The following MAIP1 variants were observed in gnomAD, a reference collection of about 807,000 sequenced individuals.
The protein encoded by MAIP1 is m-AAA protease-interacting protein 1, mitochondrial.
A neutral mutation model predicts 31.2 loss-of-function variants in MAIP1; 28 were observed. The ratio of observed to expected loss-of-function variants is 0.90; its 90% CI spans 0.67 to 1.23. The LOEUF (loss-of-function observed/expected upper bound fraction) is 1.23, where lower values mean the gene tolerates loss of function less well. Among genes scored for constraint, MAIP1 ranks in the 50% most tolerant of loss-of-function variants. The pLI, the probability that MAIP1 is intolerant of heterozygous loss-of-function variation, is 0.00. For synonymous variants in MAIP1, 142 were observed against 142.3 expected (o/e 1.00, Z 0.02); for missense variants, 339 against 356.0 (o/e 0.95, Z 0.38).
In MAIP1 at chr2:199,956,265, G is replaced by C. The variant is rs1166488953; in HGVS notation, c.450+17G>C. ...GCGAAGCAGGTTTGTTTATTTCCCT[G>C]ATTGACCTATCCGTCTCTAATGAGT... On this transcript the variant is annotated intron_variant, in intron 1 of 4. Transcript: ENST00000392290. 3 of 1,584,570 alleles carry C rather than the reference G, an allele frequency of 1.9e-6. No individual in the cohort carries two copies. Among genetic ancestry groups the C allele is most frequent in the Non-Finnish European group, 2.6e-6 (3 of 1,159,590 alleles).
upstream of MAIP1, chr2:199,955,490 C>T (rs368330803): frequency 1.9e-6 from 3 of 1,611,574 alleles, no homozygotes; most frequent in Non-Finnish European, 2.5e-6. Flanking sequence ...CGCCTGCCCT[C>T]TTCCAGGTCT....
At chr2:199,957,389 C>G (rs1388766466) in intron 1 of MAIP1, among the ~76,000 whole-genome samples, 1 of 152,124 alleles carries the variant, frequency 6.6e-6, no homozygotes, top group Non-Finnish European at 1.5e-5. Flanking sequence ...GAGACTCCGT[C>G]TCAAAAAACA....
At position 199,962,045 on chromosome 2, in the gene MAIP1, G is replaced by A. The variant is rs927455708; in HGVS notation, c.797+117G>A. On this transcript the variant is annotated intron_variant, in intron 4 of 4. Coordinates refer to ENST00000392290, the MANE Select transcript of MAIP1 (RefSeq NM_001394955.1). ...AATTGAAATTTGACAAGTTATTTAT[G>A]AAGAGAAAAGGTCAGAAAGACACAC... 5.2e-5 allele frequency: 49 copies of A among 935,540 alleles called. 1 individual carries two copies. Among genetic ancestry groups the A allele is most frequent in the African/African-American group, 1.7e-5 (1 of 60,002 alleles). 58.0% of individuals were successfully genotyped at this position (935,540 alleles called of 1,614,324 possible).
chr2:199,959,726 A>G (rs372838049), intron 2 of MAIP1, 28 bp from the exon 3 acceptor site: 2 of 1,589,426 alleles, frequency 1.3e-6, no homozygotes, highest in Non-Finnish European at 1.7e-6. Flanking sequence ...GTATCAGTGA[A>G]CTAATGGCTT....
At chr2:199,959,552 A>C (rs1479972169) in intron 2 of MAIP1, among the ~76,000 whole-genome samples, 2 of 152,176 alleles carry the variant, frequency 1.3e-5, no homozygotes, top group African/African-American at 4.8e-5. Flanking sequence ...GATGTCTTCC[A>C]ATTGCTCTTA....
At position 199,955,776 on chromosome 2, in the gene MAIP1, C is replaced by A. The variant is rs192902107; in HGVS notation, c.-23C>A. The A allele has an allele frequency of 0.012, 18,833 of 1,510,178 alleles. 183 individuals are homozygous for A. The highest frequency in any genetic ancestry group is 0.034 in the South Asian group (2,503 of 74,614). The allele number at this position is 1,510,178 out of a possible 1,614,324, so 93.5% of individuals were successfully genotyped here. ...TTCCTTTCCATACAGCACCGGCAGG[C>A]ACCGGTGTGAAGGGTCATAAAAATG... is the stretch of plus-strand genomic sequence containing the variant. On this transcript the variant is annotated 5_prime_UTR_variant, in exon 1 of 5. Transcript: ENST00000392290.
chr2:199,958,938 A>T (rs1030446510), intron 1 of MAIP1, among the ~76,000 whole-genome samples: 2 of 152,224 alleles, frequency 1.3e-5, no homozygotes, highest in Non-Finnish European at 2.9e-5. Context: ...GGTAGGTCAT[A>T]TAACTGCCAA....
chr2:199,962,024 G>T (rs954263059), intron 4 of MAIP1, 96 bp downstream of exon 4: 5 of 1,125,390 alleles, frequency 4.4e-6, no homozygotes, highest in Non-Finnish European at 6.3e-6. Context: ...GAAAAGAATT[G>T]AAATTTGACA....
Position 199,955,988 on chromosome 2 carries a change from T to C in MAIP1, c.190T>C (p.Ser64Pro). Residue 64 changes from serine to proline, a missense_variant, in exon 1 of 5, where the codon TCG becomes CCG. Coordinates refer to ENST00000392290, the MANE Select transcript of MAIP1 (RefSeq NM_001394955.1). ...ACGAAGCGCTAGGGCCTTGGCAGCC[T>C]CGGCGCTACCTGCCCAGGGCTCCCG... The part of the protein sequence containing the change: ...FPRSARALAA[S>P]ALPAQGSRWP... 4 of 1,612,124 alleles carry C rather than the reference T, an allele frequency of 2.5e-6. No individual in the cohort carries two copies. Among genetic ancestry groups the C allele is most frequent in the South Asian group, 1.1e-5 (1 of 90,874 alleles).
At chr2:199,959,910 G>A (rs1380808069) in intron 3 of MAIP1, 30 bp downstream of exon 3, 1 of 1,600,468 alleles carries the variant, frequency 6.2e-7, no homozygotes, top group East Asian at 2.2e-5. Context: ...AACTTGAAAT[G>A]ATCCATAATT....
chr2:199,962,301 T>C (rs1209749576), intron 4 of MAIP1, among the ~76,000 whole-genome samples: 1 of 152,176 alleles, frequency 6.6e-6, no homozygotes, highest in Non-Finnish European at 1.5e-5. Flanking sequence ...AGCTGGAGGA[T>C]TCATTTCCAC....
Position 199,959,738 on chromosome 2 carries a change from C to CT in MAIP1, c.523-10dup. ...ATTGTATCAGTGAACTAATGGCTTG[C>CT]TTTTTTCAAACTTAGGTGCTACATG... On this transcript the variant is annotated splice_polypyrimidine_tract_variant and intron_variant, in intron 2 of 4. Transcript: ENST00000392290. The CT allele has an allele frequency of 6.3e-7, 1 of 1,595,464 alleles. No homozygotes were observed. Among genetic ancestry groups the CT allele is most frequent in the Non-Finnish European group, 8.5e-7 (1 of 1,172,712 alleles).
chr2:199,962,557 T>C (rs1378186928), intron 4 of MAIP1, among the ~76,000 whole-genome samples: 1 of 152,182 alleles, frequency 6.6e-6, no homozygotes. Flanking sequence ...AGGATCTGTA[T>C]AGTTTAAAGG....
chr2:199,958,218 T>C (rs2077618139), intron 1 of MAIP1, among the ~76,000 whole-genome samples: 1 of 152,194 alleles, frequency 6.6e-6, no homozygotes, highest in African/African-American at 2.4e-5. Flanking sequence ...TGGTCCTCCC[T>C]GTGCATGCGT....
chr2:199,956,614 A>G (rs535499852), intron 1 of MAIP1, among the ~76,000 whole-genome samples: 2 of 152,354 alleles, frequency 1.3e-5, no homozygotes, highest in African/African-American at 2.4e-5. Context: ...TCAAATTTAC[A>G]AAGTGGGCAA....
At chr2:199,962,751 G>A (rs969742032) in intron 4 of MAIP1, among the ~76,000 whole-genome samples, 2 of 152,140 alleles carry the variant, frequency 1.3e-5, no homozygotes, top group East Asian at 3.9e-4. Context: ...CTCTGGTAGA[G>A]GTTCAGATAC....
chr2:199,961,675 T>C, intron 3 of MAIP1, 106 bp from the exon 4 acceptor site: 1 of 950,084 alleles, frequency 1.1e-6, no homozygotes, highest in Non-Finnish European at 1.6e-6. Context: ...AAATTTGACC[T>C]GTAACAACTG....
At position 199,963,910 on chromosome 2, in the gene MAIP1, G is replaced by A; in HGVS notation, c.*99G>A. ...TTTGATCTTCACTTAATCTAAGTCTGTGAATTACTTTTATATTATTTTGAA... is the reference window on the plus strand; with the variant it reads ...TTTGATCTTCACTTAATCTAAGTCTATGAATTACTTTTATATTATTTTGAA... On this transcript the variant is annotated 3_prime_UTR_variant, in exon 5 of 5. Coordinates refer to ENST00000392290, the MANE Select transcript of MAIP1 (RefSeq NM_001394955.1). 3.1e-6 allele frequency: 2 copies of A among 635,664 alleles called. No homozygotes were observed. The highest frequency in any genetic ancestry group is 5.6e-6 in the Non-Finnish European group (2 of 359,108). 39.4% of individuals were successfully genotyped at this position (635,664 alleles called of 1,614,324 possible).
chr2:199,959,428 T>C, intron 2 of MAIP1, 89 bp downstream of exon 2: 1 of 805,102 alleles, frequency 1.2e-6, no homozygotes, highest in South Asian at 1.5e-5. Context: ...TGCTTAAAAA[T>C]AGTGTGTGTG....
Sources: gnomAD v4.1 joint callset for allele counts (sites outside exome capture counted in the v4.1 genomes callset) on GRCh38, gnomAD v4.1.1 for gene constraint, MANE v1.5 for transcripts, NCBI Gene and HGNC (gene_info 2026-07-23, HGNC 2026-07-21) for gene names.